Variants in CENPW observed in about 807,000 individuals in gnomAD.
The protein encoded by CENPW is cancer-up-regulated gene 2 protein.
A neutral mutation model predicts 11.1 loss-of-function variants in CENPW; 3 were observed. The observed-to-expected ratio is 0.27, with a 90% CI of 0.12 to 0.70. The LOEUF is 0.70. Ranked by LOEUF, CENPW falls within the 30% of genes least tolerant of loss-of-function variation. The pLI, the probability that CENPW is intolerant of heterozygous loss-of-function variation, is 0.77. For missense variants in CENPW, 100 were observed against 105.6 expected, an observed-to-expected ratio of 0.95 and a Z score of 0.23; for synonymous variants, 38 against 42.0, an observed-to-expected ratio of 0.91 and a Z score of 0.37.
chr6:126,422,311 A>G, the CENPW span, among the ~76,000 whole-genome samples: 7 of 152,094 alleles, frequency 4.6e-5, no homozygotes, highest in Non-Finnish European at 7.4e-5. Context: ...GGTTGCCATA[A>G]TACAATACAA....
At chr6:126,463,235 G>C in the CENPW span, among the ~76,000 whole-genome samples, 4 of 151,976 alleles carry the variant, frequency 2.6e-5, no homozygotes, top group South Asian at 6.2e-4. Flanking sequence ...TGTTTTTAGA[G>C]TGGTTTGGAG....
At chr6:126,458,210 A>G in the CENPW span, among the ~76,000 whole-genome samples, 21 of 151,260 alleles carry the variant, frequency 1.4e-4, no homozygotes, top group Non-Finnish European at 4.4e-5. Flanking sequence ...CCATCAGCAC[A>G]TGTACAGCTG....
downstream of CENPW, among the ~76,000 whole-genome samples, chr6:126,351,266 G>A (rs999411064): frequency 1.3e-5 from 2 of 151,804 alleles, no homozygotes; most frequent in Admixed American, 1.3e-4. Context: ...CCTTTTGGGT[G>A]ACTTTTGTGA....
the CENPW span, among the ~76,000 whole-genome samples, chr6:126,415,423 A>G: frequency 6.6e-6 from 1 of 152,286 alleles, no homozygotes; most frequent in Non-Finnish European, 1.5e-5. Context: ...TAAAAATTAA[A>G]TATATCATTA....
At chr6:126,466,003 G>C in the CENPW span, among the ~76,000 whole-genome samples, 1 of 152,028 alleles carries the variant, frequency 6.6e-6, no homozygotes, top group Admixed American at 6.6e-5. Context: ...TAGTTGTTAC[G>C]GGTTCTAGGA....
At chr6:126,378,678 A>T in the CENPW span, among the ~76,000 whole-genome samples, 5 of 152,194 alleles carry the variant, frequency 3.3e-5, no homozygotes, top group South Asian at 8.3e-4. Context: ...TGTGGAAGGT[A>T]TAACCTAAAG....
At chr6:126,354,151 TA>T in the CENPW span, among the ~76,000 whole-genome samples, 2 of 151,888 alleles carry the variant, frequency 1.3e-5, no homozygotes, top group Admixed American at 6.6e-5. Flanking sequence ...TTTTGTTAAA[TA>T]AAAAAAAGAT....
the CENPW span, among the ~76,000 whole-genome samples, chr6:126,387,063 A>G: frequency 2.8e-4 from 42 of 152,026 alleles, no homozygotes; most frequent in Non-Finnish European, 5.4e-4. Flanking sequence ...GACTAGTGAA[A>G]CAATAAATCT....
At chr6:126,412,810 G>A in the CENPW span, among the ~76,000 whole-genome samples, 1 of 151,630 alleles carries the variant, frequency 6.6e-6, no homozygotes, top group Admixed American at 6.6e-5. Context: ...ATATCTTCAA[G>A]TTCTCTTTTC....
At chr6:126,400,849 T>A in the CENPW span, among the ~76,000 whole-genome samples, 1 of 152,240 alleles carries the variant, frequency 6.6e-6, no homozygotes, top group African/African-American at 2.4e-5. Context: ...TTAATCTCTC[T>A]TATTACATTT....
the CENPW span, among the ~76,000 whole-genome samples, chr6:126,421,402 T>C: frequency 6.6e-6 from 1 of 152,102 alleles, no homozygotes; most frequent in Non-Finnish European, 1.5e-5. Flanking sequence ...TATTATGAAA[T>C]GTGTTGCTAC....
chr6:126,459,391 G>T, the CENPW span, among the ~76,000 whole-genome samples: 2 of 151,432 alleles, frequency 1.3e-5, no homozygotes, highest in African/African-American at 4.8e-5. Context: ...AGGATTGAAA[G>T]GTTGGTAATA....
At chr6:126,468,902 G>A in the CENPW span, among the ~76,000 whole-genome samples, 2 of 152,034 alleles carry the variant, frequency 1.3e-5, no homozygotes, top group Non-Finnish European at 2.9e-5. Flanking sequence ...CTCCTGGGTT[G>A]AAGTGATCTC....
the CENPW span, among the ~76,000 whole-genome samples, chr6:126,395,748 G>A: frequency 6.6e-6 from 1 of 152,150 alleles, no homozygotes; most frequent in South Asian, 2.1e-4. Context: ...GCATCAGGAG[G>A]TACCCCTAGC....
At chr6:126,392,449 T>C in the CENPW span, among the ~76,000 whole-genome samples, 3 of 151,950 alleles carry the variant, frequency 2.0e-5, no homozygotes, top group Admixed American at 6.6e-5. Flanking sequence ...GTCTGGCATA[T>C]ATACCTTTTA....
At chr6:126,439,485 A>G in the CENPW span, among the ~76,000 whole-genome samples, 1 of 151,562 alleles carries the variant, frequency 6.6e-6, no homozygotes, top group Non-Finnish European at 1.5e-5. Context: ...TGCATGTATG[A>G]GGGTTTTCTC....
the CENPW span, among the ~76,000 whole-genome samples, chr6:126,420,408 G>T: frequency 6.6e-6 from 1 of 152,118 alleles, no homozygotes; most frequent in African/African-American, 2.4e-5. Flanking sequence ...GGTAGTCGCT[G>T]AAAAATAAAC....
intron 1 of CENPW, among the ~76,000 whole-genome samples, chr6:126,343,097 A>T (rs865866579): frequency 2.6e-4 from 40 of 152,316 alleles, no homozygotes; most frequent in African/African-American, 9.6e-4. Context: ...AGACTGGCCC[A>T]GTCTTTCTGT....
chr6:126,394,972 GC>G, the CENPW span, among the ~76,000 whole-genome samples: 57 of 151,864 alleles, frequency 3.8e-4, no homozygotes, highest in African/African-American at 1.4e-3. Flanking sequence ...TTCTCTTGCT[GC>G]TTTTATCCTT....
Sources: gnomAD v4.1 joint callset for allele counts (sites outside exome capture counted in the v4.1 genomes callset) on GRCh38, gnomAD v4.1.1 for gene constraint, MANE v1.5 for transcripts, NCBI Gene and HGNC (gene_info 2026-07-23, HGNC 2026-07-21) for gene names.